The following HMGCLL1 variants were observed in gnomAD, a reference collection of about 807,000 sequenced individuals.
HMGCLL1 encodes 3-hydroxymethyl-3-methylglutaryl-CoA lyase, cytoplasmic.
HMGCLL1 carries 36 observed loss-of-function variants against 39.1 expected under a neutral mutation model. That is an observed-to-expected ratio of 0.92 (90% CI 0.71 to 1.22). HMGCLL1 has a LOEUF of 1.22. Among genes scored for constraint, HMGCLL1 ranks in the 50% most tolerant of loss-of-function variants. HMGCLL1 has a pLI of 0.00. For missense variants in HMGCLL1, 451 were observed against 416.5 expected (o/e 1.08, Z -0.72); for synonymous variants, 149 against 144.0 (o/e 1.03, Z -0.25).
chr6:55,438,596 A>ACATTTCACATTTCACAG lies in HMGCLL1; in HGVS notation c.921+837_921+838insCTGTGAAATGTGAAATG, dbSNP rs1420918121. Among the ~76,000 whole-genome samples, 12 of 152,192 alleles carry ACATTTCACATTTCACAG rather than the reference A, an allele frequency of 7.9e-5. No individual in the cohort carries two copies. The East Asian group carries it at 2.3e-3, about 29-fold the overall frequency. ...GAGGCATAAGGCCATTTCACATGGT[A>ACATTTCACATTTCACAG]GTGAAAACCTGAGCAAGGAGTAGAA... On this transcript the variant is annotated intron_variant, in intron 8 of 8. Transcript: ENST00000274901.
chr6:55,529,291 T>C (rs533791167), intron 3 of HMGCLL1, among the ~76,000 whole-genome samples: 1 of 152,220 alleles, frequency 6.6e-6, no homozygotes, highest in African/African-American at 2.4e-5. Flanking sequence ...AGTTGTTATT[T>C]CCCATGCATG....
chr6:55,548,986 C>T (rs1031472728), intron 1 of HMGCLL1, among the ~76,000 whole-genome samples: 27 of 151,628 alleles, frequency 1.8e-4, no homozygotes, highest in African/African-American at 6.1e-4. Context: ...TGATAGAGCA[C>T]AAGATGCTGT....
the HMGCLL1 span, among the ~76,000 whole-genome samples, chr6:55,630,721 A>G: frequency 6.6e-6 from 1 of 151,690 alleles, no homozygotes. Context: ...AAGTCTCAAG[A>G]GATCTGATGG....
chr6:55,569,863 A>C (rs1771389820), intron 1 of HMGCLL1, among the ~76,000 whole-genome samples: 1 of 152,238 alleles, frequency 6.6e-6, no homozygotes, highest in South Asian at 2.1e-4. Flanking sequence ...CCTTGTTCTC[A>C]GCATGCACTA....
At chr6:55,675,101 A>G in the HMGCLL1 span, among the ~76,000 whole-genome samples, 43 of 152,152 alleles carry the variant, frequency 2.8e-4, no homozygotes, top group Non-Finnish European at 4.4e-4. Flanking sequence ...ATTGTAAATA[A>G]ATATTTTTGA....
intron 7 of HMGCLL1, among the ~76,000 whole-genome samples, chr6:55,493,617 C>T (rs1766426373): frequency 6.6e-6 from 1 of 152,160 alleles, no homozygotes; most frequent in South Asian, 2.1e-4. Context: ...AGGACTTTTG[C>T]TCAAACGATG....
the HMGCLL1 span, among the ~76,000 whole-genome samples, chr6:55,636,924 A>G: frequency 1.3e-5 from 2 of 152,154 alleles, no homozygotes; most frequent in African/African-American, 4.8e-5. Context: ...CAGTGATATA[A>G]CCTTTTAAAA....
intron 7 of HMGCLL1, among the ~76,000 whole-genome samples, chr6:55,476,496 G>A (rs1358357012): frequency 6.6e-6 from 1 of 151,576 alleles, no homozygotes; most frequent in African/African-American, 2.4e-5. Context: ...ACACAATTAT[G>A]ACATTTGAAA....
At chr6:55,544,034 C>G (rs962826234) in intron 1 of HMGCLL1, among the ~76,000 whole-genome samples, 11 of 152,036 alleles carry the variant, frequency 7.2e-5, no homozygotes, top group African/African-American at 2.7e-4. Context: ...TATTTTTTCT[C>G]TAGGTCACAC....
the HMGCLL1 span, among the ~76,000 whole-genome samples, chr6:55,599,135 G>A: frequency 2.0e-5 from 3 of 152,074 alleles, no homozygotes; most frequent in Non-Finnish European, 4.4e-5. Flanking sequence ...CTAGGGAAGG[G>A]ATAGCATTAG....
At chr6:55,469,461 G>GTA (rs1050186538) in intron 7 of HMGCLL1, among the ~76,000 whole-genome samples, 1 of 137,060 alleles carries the variant, frequency 7.3e-6, no homozygotes, top group Non-Finnish European at 1.5e-5. Context: ...GTATATATGT[G>GTA]TATATATGTG....
chr6:55,587,898 A>C, the HMGCLL1 span, among the ~76,000 whole-genome samples: 2 of 152,208 alleles, frequency 1.3e-5, no homozygotes, highest in African/African-American at 4.8e-5. Flanking sequence ...ACCCAGATTC[A>C]TAAAGCAAGT....
In HMGCLL1 at chr6:55,477,309, T is replaced by A. The variant is rs1561904855; in HGVS notation, c.795+18110A>T. Among the ~76,000 whole-genome samples the A allele has an allele frequency of 7.4e-4, 10 of 13,550 alleles. No individual in the cohort carries two copies. In the African/African-American group the frequency reaches 8.8e-3, roughly 12 times the overall value. 8.9% of individuals were successfully genotyped at this position (13,550 alleles called of 152,430 possible). ...TATATATAAAATAATATATATTATA[T>A]ATATAATATATATTATATTATATAA... On this transcript the variant is annotated intron_variant, in intron 7 of 8. Coordinates refer to ENST00000274901, the MANE Select transcript of HMGCLL1 (RefSeq NM_001042406.2).
chr6:55,553,039 A>C (rs1341604488), intron 1 of HMGCLL1, among the ~76,000 whole-genome samples: 1 of 151,108 alleles, frequency 6.6e-6, no homozygotes, highest in Non-Finnish European at 1.5e-5. Flanking sequence ...GCTACTCAGG[A>C]GGCTTAGGCA....
chr6:55,645,668 G>GC, the HMGCLL1 span, among the ~76,000 whole-genome samples: 1 of 151,794 alleles, frequency 6.6e-6, no homozygotes, highest in Non-Finnish European at 1.5e-5. Context: ...TATGGTTTTT[G>GC]CCCCTCATTC....
At chr6:55,641,435 TAAC>T in the HMGCLL1 span, among the ~76,000 whole-genome samples, 1 of 152,016 alleles carries the variant, frequency 6.6e-6, no homozygotes, top group Non-Finnish European at 1.5e-5. Context: ...TATCTATAAA[TAAC>T]AACAAATGAT....
Position 55,550,842 on chromosome 6 carries a change from A to ACC in HMGCLL1, c.109-8703_109-8702insGG, listed in dbSNP as rs1770288032. On this transcript the variant is annotated intron_variant, in intron 1 of 8. Transcript: ENST00000274901. The stretch of plus-strand genomic sequence containing the variant: ...TTGCTGGGCACTACTGGCATCTAGT[A>ACC]GGGTAAAAATCTTACAATGCACAAG... Among the ~76,000 whole-genome samples, 7 of 151,698 alleles carry ACC rather than the reference A, an allele frequency of 4.6e-5. No homozygotes were observed. The South Asian group carries it at 1.2e-3, about 27-fold the overall frequency.
chr6:55,556,132 G>A (rs1342470355), intron 1 of HMGCLL1, among the ~76,000 whole-genome samples: 1 of 152,018 alleles, frequency 6.6e-6, no homozygotes, highest in Non-Finnish European at 1.5e-5. Flanking sequence ...TTTATTTGAT[G>A]AGGCCTGGCA....
chr6:55,597,041 T>G, the HMGCLL1 span, among the ~76,000 whole-genome samples: 1 of 123,254 alleles, frequency 8.1e-6, no homozygotes, highest in African/African-American at 2.7e-5. Context: ...AACCCAATGA[T>G]TTTTGTGATC....
Sources: gnomAD v4.1 joint callset for allele counts (sites outside exome capture counted in the v4.1 genomes callset) on GRCh38, gnomAD v4.1.1 for gene constraint, MANE v1.5 for transcripts, NCBI Gene and HGNC (gene_info 2026-07-23, HGNC 2026-07-21) for gene names.